Variants in TLN1 observed in about 807,000 individuals in gnomAD.
TLN1 encodes talin 1.
In TLN1, 56 loss-of-function variants were observed where a neutral mutation model predicts 292.3. The observed-to-expected ratio is 0.19, with a 90% confidence interval of 0.15 to 0.24. TLN1 has a LOEUF of 0.24. Ranked by LOEUF, TLN1 falls within the 10% of genes least tolerant of loss-of-function variation. The probability of loss-of-function intolerance (pLI) is 1.00; values close to 1 mark genes in which losing one functional copy is unlikely to be tolerated. For missense variants in TLN1, 2,433 were observed against 3,248.2 expected (o/e 0.75, Z 6.10); for synonymous variants, 1,119 against 1,253.7 (o/e 0.89, Z 2.27).
chr9:35,704,771 GCCATGGCCCAGCT>G lies in TLN1; in HGVS notation c.5765_5777del (p.Glu1922AlafsTer26). ...CTGCCTTGGTGACCAGAGCGGCACA[GCCATGGCCCAGCT>G]CCTGTACCCGGTGTTTGATATGGGA... is the stretch of plus-strand genomic sequence containing the variant. On this transcript the variant is annotated frameshift_variant, in exon 44 of 57. Transcript: ENST00000314888. LOFTEE classifies it high-confidence loss of function. The surrounding 1 kb of genome is among the most constrained non-coding windows in gnomAD (Gnocchi z 6.9). 1 of 1,614,224 alleles carries G rather than the reference GCCATGGCCCAGCT, an allele frequency of 6.2e-7. No homozygotes were observed. Among genetic ancestry groups the G allele is most frequent in the Non-Finnish European group, 8.5e-7 (1 of 1,180,046 alleles).
At chr9:35,731,960 C>T (rs1232598485) in intron 1 of TLN1, 115 bp downstream of exon 1, 1 of 152,470 alleles carries the variant, frequency 6.6e-6, no homozygotes, top group Non-Finnish European at 1.5e-5. Flanking sequence ...TGGACGCTGA[C>T]CTCTCCAACT....
rs1285719610 is a variant in TLN1, at chr9:35,725,648, G to A, written c.47C>T (p.Thr16Met). The A allele has an allele frequency of 3.1e-6, 5 of 1,613,812 alleles. No homozygotes were observed. Among genetic ancestry groups the A allele is most frequent in the South Asian group, 1.1e-5 (1 of 91,078 alleles). The change falls in exon 2 of 57, where the codon ACG (threonine) becomes ATG (methionine). Residue 16 changes from threonine to methionine, a missense_variant. Physicochemically the swap from Thr to Met is moderately conservative, Grantham distance 81 (BLOSUM62 -1). This residue lies in a region of TLN1 where 155 missense variants were observed against 287.9 expected (regional missense o/e 0.54). Transcript: ENST00000314888. Reference protein sequence around the residue: ...LKISIGNVVKTMQFEPSTMVY... With the variant: ...LKISIGNVVKMMQFEPSTMVY... ...CATGGTAGACGGCTCAAACTGCATC[G>A]TCTTCACCACATTCCCAATGCTGAT...
chr9:35,707,224 G>C lies in TLN1; in HGVS notation c.4803C>G (p.Ile1601Met). ...EGRAAMEPIV[I>M]SAKTMLESAG... ...CACTCTCTAACATTGTCTTGGCAGA[G>C]ATCACAATGGGCTCCATGGCAGCCC... The change falls in exon 37 of 57, where the codon ATC (isoleucine) becomes ATG (methionine). Residue 1601 changes from isoleucine to methionine, a missense_variant. Transcript: ENST00000314888. This position sits in a 1 kb window ranked among gnomAD's most constrained non-coding sequence, Gnocchi z 5.6. The C allele has an allele frequency of 6.2e-7, 1 of 1,604,344 alleles. No individual in the cohort carries two copies. The highest frequency in any genetic ancestry group is 8.5e-7 in the Non-Finnish European group (1 of 1,174,228).
In TLN1 at chr9:35,715,175, G is replaced by A; in HGVS notation, c.2638C>T (p.His880Tyr). The A allele has an allele frequency of 1.9e-6, 3 of 1,611,204 alleles. No individual in the cohort carries two copies. The highest frequency in any genetic ancestry group is 2.5e-6 in the Non-Finnish European group (3 of 1,179,990). ...MVEAAKGAAA[H>Y]PDSEEQQQRL... Reference sequence around the variant, plus strand: ...TGCTGCTGCTCCTCACTGTCAGGGTGGGCAGCTGCTCCCTGAGGGAGAGGT... The same window carrying A: ...TGCTGCTGCTCCTCACTGTCAGGGTAGGCAGCTGCTCCCTGAGGGAGAGGT... Residue 880 changes from histidine (H) to tyrosine (Y), a missense_variant, in exon 21 of 57, where the codon CAC becomes TAC. Around this residue, in one of 7 missense-constraint regions of TLN1, gnomAD observed 617 missense variants for 770.6 expected, o/e 0.80. Transcript: ENST00000314888.
Position 35,712,893 on chromosome 9 carries a change from T to G in TLN1, c.3503A>C (p.Glu1168Ala). The G allele has an allele frequency of 6.2e-7, 1 of 1,601,904 alleles. No homozygotes were observed. ...TGGATGGCCAGCTGCCTTTTTCGCCTCCTCAATGAGGCTGCTGGCCTTGTC... is the reference window on the plus strand; with the variant it reads ...TGGATGGCCAGCTGCCTTTTTCGCCGCCTCAATGAGGCTGCTGGCCTTGTC... ...VLDKASSLIE[E>A]AKKAAGHPGD... The change falls in exon 27 of 57, where the codon GAG becomes GCG. Residue 1168 changes from glutamate to alanine, a missense_variant. Physicochemically the swap from Glu to Ala is moderately radical, Grantham distance 107 (BLOSUM62 -1). Transcript: ENST00000314888.
chr9:35,721,504 G>T, intron 10 of TLN1, 144 bp downstream of exon 10: 2 of 815,260 alleles, frequency 2.5e-6, no homozygotes, highest in Non-Finnish European at 1.8e-6. Context: ...CACTCTCCCA[G>T]AGGAAGATTC....
chr9:35,719,127 G>A lies in TLN1; in HGVS notation c.1843C>T (p.Leu615Phe). The A allele has an allele frequency of 6.2e-7, 1 of 1,614,160 alleles. No individual in the cohort carries two copies. The highest frequency in any genetic ancestry group is 1.7e-4 in the Middle Eastern group (1 of 6,052). The part of the protein sequence containing the change: ...GRPLLQAAKG[L>F]AGAVSELLRS... ...AGCAGTTCTGACACTGCTCCCGCAA[G>A]GCCCTTTGCTGCCTGCAACAGGGGC... The change falls in exon 16 of 57, where the codon CTT becomes TTT. Residue 615 changes from leucine to phenylalanine, a missense_variant. By Grantham distance (22) the Leu-to-Phe change is conservative (BLOSUM62 0). Coordinates refer to ENST00000314888, the MANE Select transcript of TLN1 (RefSeq NM_006289.4). The surrounding 1 kb of genome is among the most constrained non-coding windows in gnomAD (Gnocchi z 4.6).
Position 35,706,511 on chromosome 9 carries a change from G to C in TLN1, c.5129C>G (p.Ser1710Cys). 6.2e-7 allele frequency: 1 copy of C among 1,614,094 alleles called. No individual in the cohort carries two copies. Among genetic ancestry groups the C allele is most frequent in the South Asian group, 1.1e-5 (1 of 91,086 alleles). Residue 1710 changes from serine (S) to cysteine (C), a missense_variant, in exon 39 of 57, where the codon TCC becomes TGC. By Grantham distance (112) the Ser-to-Cys change is moderately radical. Around this residue, in one of 7 missense-constraint regions of TLN1, gnomAD observed 1,384 missense variants for 1,699.6 expected, o/e 0.81. Transcript: ENST00000314888. This position sits in a 1 kb window ranked among gnomAD's most constrained non-coding sequence, Gnocchi z 4.2. ...ATTGGCCAGCGGCTCAATGAGATGG[G>C]AGATCTCTTGGACTGCAGTGAGCAT... ...TQMLTAVQEI[S>C]HLIEPLANAA...
At chr9:35,711,924 C>A in intron 28 of TLN1, 81 bp downstream of exon 28, 3 of 1,594,268 alleles carry the variant, frequency 1.9e-6, no homozygotes, top group Non-Finnish European at 1.7e-6. Flanking sequence ...AAGTCAGGGT[C>A]AAAGGACAAC....
Position 35,724,193 on chromosome 9 carries a change from T to C in TLN1, c.653A>G (p.Gln218Arg). 6.2e-7 allele frequency: 1 copy of C among 1,614,170 alleles called. No homozygotes were observed. The change falls in exon 6 of 57, where the codon CAG (glutamine) becomes CGG (arginine). Residue 218 changes from glutamine to arginine, a missense_variant and splice_region_variant. Around this residue, in one of 7 missense-constraint regions of TLN1, gnomAD observed 155 missense variants for 287.9 expected, o/e 0.54. Coordinates refer to ENST00000314888, the MANE Select transcript of TLN1 (RefSeq NM_006289.4). The surrounding 1 kb of genome is among the most constrained non-coding windows in gnomAD (Gnocchi z 4.7). ...ACCCCAGCCAAGTCCTCTGCATACC[T>C]GCACATACAGGAGGTTCAGCTGTAC... ...DPVQLNLLYVQARDDILNGSH... is the reference protein window; with the variant it reads ...DPVQLNLLYVRARDDILNGSH...
At chr9:35,723,893 G>A (rs1001055982) in intron 7 of TLN1, 59 bp downstream of exon 7, 16 of 1,599,994 alleles carry the variant, frequency 1.0e-5, no homozygotes, top group Non-Finnish European at 1.4e-5. Flanking sequence ...CAGGCCCACT[G>A]GGGTCACAAT....
Position 35,704,252 on chromosome 9 carries a change from A to G in TLN1, c.6048-78T>C. On this transcript the variant is annotated intron_variant, in intron 45 of 56. Transcript: ENST00000314888. This position sits in a 1 kb window ranked among gnomAD's most constrained non-coding sequence, Gnocchi z 6.9. ...AAGGTGCCTGGTCCAGGTCTTCCCC[A>G]TTCCAGCGAATGCTATCCTGCCTCT... 1 of 1,575,202 alleles carries G rather than the reference A, an allele frequency of 6.3e-7. No individual in the cohort carries two copies. The highest frequency in any genetic ancestry group is 8.6e-7 in the Non-Finnish European group (1 of 1,158,800).
At chr9:35,723,901 A>G in intron 7 of TLN1, 51 bp downstream of exon 7, 1 of 1,604,454 alleles carries the variant, frequency 6.2e-7, no homozygotes, top group Non-Finnish European at 8.5e-7. Flanking sequence ...CTGGGGTCAC[A>G]ATGGCAGGGA....
Position 35,707,081 on chromosome 9 carries a change from G to T in TLN1, c.4946C>A (p.Thr1649Lys), listed in dbSNP as rs757609430. The change falls in exon 37 of 57, where the codon ACA (threonine) becomes AAA (lysine). Residue 1649 changes from threonine to lysine, a missense_variant. Transcript: ENST00000314888. The surrounding 1 kb of genome is among the most constrained non-coding windows in gnomAD (Gnocchi z 5.6). ...CCCCATCCCTCAATACCTCATGCTT[G>T]TAATTAGCTTCTTGATGGAGTCTGA... ...TVSDSIKKLI[T>K]SMRDKAPGQL... 1.2e-6 allele frequency: 2 copies of T among 1,612,464 alleles called. No homozygotes were observed. Among genetic ancestry groups the T allele is most frequent in the Non-Finnish European group, 1.7e-6 (2 of 1,179,648 alleles).
chr9:35,711,762 C>A lies in TLN1; in HGVS notation c.3712G>T (p.Ala1238Ser), dbSNP rs199987514. ...LPPSTGTFQE[A>S]QSRLNEAAAG... ...GCAGCTTCATTCAACCGGCTCTGAG[C>A]TTCTTGAAATGTCCCAGTGCTAGGA... The change falls in exon 29 of 57, where the codon GCT (alanine) becomes TCT (serine). Residue 1238 changes from alanine (A) to serine (S), a missense_variant. Physicochemically the swap from Ala to Ser is moderately conservative, Grantham distance 99. Transcript: ENST00000314888. 15 of 1,613,956 alleles carry A rather than the reference C, an allele frequency of 9.3e-6. No homozygotes were observed. The highest frequency in any genetic ancestry group is 1.2e-5 in the Non-Finnish European group (14 of 1,180,054).
At chr9:35,710,952 C>T (rs773581488) in intron 31 of TLN1, 37 bp downstream of exon 31, 1 of 1,613,882 alleles carries the variant, frequency 6.2e-7, no homozygotes, top group South Asian at 1.1e-5. Context: ...AGAACACTTC[C>T]CTCAACCTCA....
intron 33 of TLN1, among the ~76,000 whole-genome samples, 156 bp downstream of exon 33, chr9:35,710,405 A>ACAAGTGT (rs1381228356): frequency 6.6e-6 from 1 of 152,160 alleles, no homozygotes; most frequent in Non-Finnish European, 1.5e-5. Context: ...GTAATTGCTG[A>ACAAGTGT]CAAGTGTCTC....
At chr9:35,701,635 A>G (rs1208720443) in intron 48 of TLN1, among the ~76,000 whole-genome samples, 2 of 152,216 alleles carry the variant, frequency 1.3e-5, no homozygotes, top group Non-Finnish European at 2.9e-5. Flanking sequence ...TGGAGGGGGC[A>G]AGTGTTGAAG....
Position 35,714,234 on chromosome 9 carries a change from C to T in TLN1, c.3120+5G>A. ...ATCTTCCAAAGCCAGAACCAGCTTCCATACCTTCTGGGCAGCCGTCCGGAG... is the reference window on the plus strand; with the variant it reads ...ATCTTCCAAAGCCAGAACCAGCTTCTATACCTTCTGGGCAGCCGTCCGGAG... On this transcript the variant is annotated splice_donor_5th_base_variant and intron_variant, in intron 24 of 56. Coordinates refer to ENST00000314888, the MANE Select transcript of TLN1 (RefSeq NM_006289.4). The surrounding 1 kb of genome is among the most constrained non-coding windows in gnomAD (Gnocchi z 4.6). 1 of 1,605,944 alleles carries T rather than the reference C, an allele frequency of 6.2e-7. No homozygotes were observed.
Sources: gnomAD v4.1 joint callset for allele counts (sites outside exome capture counted in the v4.1 genomes callset) on GRCh38, gnomAD v4.1.1 for gene constraint, gnomAD v4.1.1 regional missense constraint, Gnocchi (gnomAD v3.1) non-coding constraint, MANE v1.5 for transcripts, NCBI Gene and HGNC (gene_info 2026-07-23, HGNC 2026-07-21) for gene names.